The following TICRR variants were observed in gnomAD, a reference collection of about 807,000 sequenced individuals.
The protein encoded by TICRR is TOPBP1 interacting checkpoint and replication regulator, also known as treslin.
Under a neutral mutation model 178.1 loss-of-function variants are expected in TICRR, and 132 were observed. The ratio of observed to expected loss-of-function variants is 0.74; its 90% CI spans 0.64 to 0.86. TICRR has a LOEUF of 0.86. TICRR is among the 40% of genes least tolerant of loss of function. The pLI is 0.00. For synonymous variants in TICRR, 991 were observed against 900.7 expected (o/e 1.10, Z -1.79); for missense variants, 2,587 against 2,334.3 (o/e 1.11, Z -2.23).
intron 7 of TICRR, among the ~76,000 whole-genome samples, chr15:89,598,195 G>T (rs191260160): frequency 1.3e-5 from 2 of 151,848 alleles, no homozygotes; most frequent in African/African-American, 4.8e-5. Context: ...GGATGGTCTC[G>T]ATCTCCTGAC....
At chr15:89,599,585 C>G in intron 8 of TICRR, 110 bp downstream of exon 8, 1 of 1,104,446 alleles carries the variant, frequency 9.1e-7, no homozygotes, top group Non-Finnish European at 1.3e-6. Context: ...ATATGTGATT[C>G]AAAAATGGTA....
intron 6 of TICRR, 67 bp downstream of exon 6, chr15:89,594,621 C>G (rs894063979): frequency 2.4e-5 from 33 of 1,366,488 alleles, no homozygotes; most frequent in Non-Finnish European, 3.2e-5. Flanking sequence ...AAAAGATGGG[C>G]ATTTCCTGAA....
chr15:89,606,688 A>G, intron 13 of TICRR, 80 bp from the exon 14 acceptor site: 1 of 1,135,064 alleles, frequency 8.8e-7, no homozygotes, highest in South Asian at 1.3e-5. Context: ...CAAGAGTCAA[A>G]GAGTTCATGT....
Position 89,601,359 on chromosome 15 carries a change from A to G in TICRR, c.2215A>G (p.Ser739Gly), listed in dbSNP as rs1286941627. 1.2e-6 allele frequency: 2 copies of G among 1,614,068 alleles called. No individual in the cohort carries two copies. Among genetic ancestry groups the G allele is most frequent in the Admixed American group, 3.3e-5 (2 of 60,006 alleles). ...TCTGCAATGCCCTTCAATAAATGAA[A>G]GTACAGATGATATGGAACAAGTAGT... ...MCLQCPSINESTDDMEQVVEE... is the reference protein window; with the variant it reads ...MCLQCPSINEGTDDMEQVVEE... The change falls in exon 10 of 22, where the codon AGT becomes GGT. Residue 739 changes from serine to glycine, a missense_variant. Transcript: ENST00000268138.
At chr15:89,612,118 C>G (rs1214303210) in intron 15 of TICRR, among the ~76,000 whole-genome samples, 1 of 152,110 alleles carries the variant, frequency 6.6e-6, no homozygotes, top group African/African-American at 2.4e-5. Context: ...ATCCTGTCAC[C>G]CCTCAGGGAT....
chr15:89,622,282 G>A (rs1023218439), intron 19 of TICRR, among the ~76,000 whole-genome samples: 13 of 151,910 alleles, frequency 8.6e-5, no homozygotes, highest in African/African-American at 1.2e-4. Flanking sequence ...CACTGCGCCC[G>A]GCCTACAAAC....
At position 89,625,459 on chromosome 15, in the gene TICRR, G is replaced by C; in HGVS notation, c.5149G>C (p.Glu1717Gln). ...CCTTCCTGGGAGCCTGTCACTGCTT[G>C]AGTCAGAGGGCAAGGACCACGGCCT... ...ADLPGSLSLL[E>Q]SEGKDHGLEL... Residue 1717 changes from glutamate (E) to glutamine (Q), a missense_variant, in exon 20 of 22, where the codon GAG becomes CAG. Transcript: ENST00000268138. 6.2e-7 allele frequency: 1 copy of C among 1,613,986 alleles called. No homozygotes were observed. Among genetic ancestry groups the C allele is most frequent in the Non-Finnish European group, 8.5e-7 (1 of 1,180,004 alleles).
intron 17 of TICRR, 67 bp from the exon 18 acceptor site, chr15:89,619,641 G>A: frequency 2.6e-6 from 4 of 1,539,928 alleles, no homozygotes; most frequent in Middle Eastern, 2.1e-4. Context: ...GCCCGGTTTT[G>A]GACAACATGA....
chr15:89,582,470 A>T (rs947356292), intron 1 of TICRR, among the ~76,000 whole-genome samples: 1 of 152,152 alleles, frequency 6.6e-6, no homozygotes, highest in Non-Finnish European at 1.5e-5. Flanking sequence ...TTACTAAATG[A>T]ATGCTTTCTC....
In TICRR at chr15:89,625,348, G is replaced by T. The variant is rs1963501282; in HGVS notation, c.5038G>T (p.Asp1680Tyr). Residue 1680 changes from aspartate (D) to tyrosine (Y), a missense_variant, in exon 20 of 22, where the codon GAC becomes TAC. Physicochemically the swap from Asp to Tyr is radical, Grantham distance 160. Coordinates refer to ENST00000268138, the MANE Select transcript of TICRR (RefSeq NM_152259.4). Reference protein sequence around the residue: ...SPKHSGKTTPDIIKDWPRRKR... With the variant: ...SPKHSGKTTPYIIKDWPRRKR... ...CAAGCACAGTGGGAAGACAACTCCA[G>T]ACATAATTAAAGACTGGCCCAGGAG... 1.9e-6 allele frequency: 3 copies of T among 1,613,962 alleles called. No individual in the cohort carries two copies. The Admixed American group carries it at 5.0e-5, about 27-fold the overall frequency.
At chr15:89,591,871 T>C (rs1021835286) in intron 4 of TICRR, 176 bp from the exon 5 acceptor site, 3 of 452,524 alleles carry the variant, frequency 6.6e-6, no homozygotes, top group Non-Finnish European at 1.2e-5. Flanking sequence ...GTAGCATTTT[T>C]TATTTACCAC....
chr15:89,604,600 C>A (rs1028385866), intron 13 of TICRR, among the ~76,000 whole-genome samples: 1 of 151,954 alleles, frequency 6.6e-6, no homozygotes, highest in Non-Finnish European at 1.5e-5. Context: ...CATAGTGAGA[C>A]CTTGGCTCTA....
intron 15 of TICRR, 114 bp downstream of exon 15, chr15:89,609,063 C>A: frequency 2.7e-6 from 2 of 742,078 alleles, no homozygotes; most frequent in Non-Finnish European, 3.9e-6. Context: ...CCTCTTTTTT[C>A]CTTCAGTCTA....
In TICRR at chr15:89,582,673, C is replaced by T. The variant is rs760567052; in HGVS notation, c.655-13C>T. 21 of 1,608,228 alleles carry T rather than the reference C, an allele frequency of 1.3e-5. No homozygotes were observed. The South Asian group carries it at 1.7e-4, about 13-fold the overall frequency. ...TTTATAGTAACCTAAGGTTGTTTGTCGTTTTATTTTAGTTGTGGGAATCCC... is the reference window on the plus strand; with the variant it reads ...TTTATAGTAACCTAAGGTTGTTTGTTGTTTTATTTTAGTTGTGGGAATCCC... On this transcript the variant is annotated splice_polypyrimidine_tract_variant and intron_variant, in intron 1 of 21. Coordinates refer to ENST00000268138, the MANE Select transcript of TICRR (RefSeq NM_152259.4).
chr15:89,620,037 CA>C (rs1054021916), intron 18 of TICRR, among the ~76,000 whole-genome samples, 195 bp downstream of exon 18: 16 of 152,198 alleles, frequency 1.1e-4, no homozygotes, highest in African/African-American at 3.9e-4. Context: ...AGGACTCCTA[CA>C]ACTGGTCATC....
chr15:89,577,836 C>A (rs1420167103), intron 1 of TICRR, among the ~76,000 whole-genome samples: 2 of 151,666 alleles, frequency 1.3e-5, no homozygotes, highest in African/African-American at 2.4e-5. Context: ...GTCTCAAACT[C>A]CTGAGCTCAG....
rs1215894195 is a variant in TICRR at position 89,624,051 on chromosome 15, T to A, written c.3741T>A (p.Pro1247=). The change falls in exon 20 of 22, where the codon CCT becomes CCA. Residue 1247 remains proline (P), a synonymous_variant. Transcript: ENST00000268138. ...RRECLTPIRD[P]LRTPPRAAAF... ...AGTGTCTCACTCCCATCAGAGACCC[T>A]CTCAGAACACCTCCGAGAGCAGCAG... 1 of 1,613,514 alleles carries A rather than the reference T, an allele frequency of 6.2e-7. No individual in the cohort carries two copies. Among genetic ancestry groups the A allele is most frequent in the Non-Finnish European group, 8.5e-7 (1 of 1,179,918 alleles).
At chr15:89,605,252 C>T (rs993742413) in intron 13 of TICRR, among the ~76,000 whole-genome samples, 3 of 152,204 alleles carry the variant, frequency 2.0e-5, no homozygotes, top group African/African-American at 4.8e-5. Context: ...TGGAAAGAAA[C>T]GAGCATGACT....
At chr15:89,578,655 TCTC>T (rs941723411) in intron 1 of TICRR, among the ~76,000 whole-genome samples, 14 of 132,444 alleles carry the variant, frequency 1.1e-4, no homozygotes, top group African/African-American at 3.7e-4. Flanking sequence ...AATCTCTCTC[TCTC>T]TTTTTTTTTT....
Sources: allele counts gnomAD v4.1 joint callset (sites outside exome capture counted in the v4.1 genomes callset), GRCh38; gene constraint gnomAD v4.1.1; transcripts MANE v1.5; gene names NCBI Gene and HGNC (gene_info 2026-07-23, HGNC 2026-07-21).